GNB2: variants seen among roughly 807,000 people sequenced by gnomAD.
GNB2 encodes the protein G protein subunit beta 2.
In GNB2, 7 loss-of-function variants were observed where a neutral mutation model predicts 40.7. The observed-to-expected ratio is 0.17, with a 90% CI of 0.10 to 0.32. The LOEUF is 0.32. Among genes scored for constraint, GNB2 ranks in the 10% least tolerant of loss-of-function variants. The probability of loss-of-function intolerance (pLI) is 1.00; values close to 1 mark genes in which losing one functional copy is unlikely to be tolerated. For missense variants in GNB2, 286 were observed against 473.0 expected, an observed-to-expected ratio of 0.60 and a Z score of 3.67; for synonymous variants, 254 against 191.2, an observed-to-expected ratio of 1.33 and a Z score of -2.71.
Position 100,676,677 on chromosome 7 carries a change from C to G in GNB2, c.97-16C>G, listed in dbSNP as rs1180797739. The G allele has an allele frequency of 1.3e-6, 2 of 1,593,414 alleles. No individual in the cohort carries two copies. The highest frequency in any genetic ancestry group is 1.7e-6 in the Non-Finnish European group (2 of 1,161,428). Reference sequence around the variant, plus strand: ...CTGCCTGGGCCTCCCCGAGCGCATTCTGTCTCTACCTCCAGATCACAGCTG... The same window carrying G: ...CTGCCTGGGCCTCCCCGAGCGCATTGTGTCTCTACCTCCAGATCACAGCTG... On this transcript the variant is annotated splice_polypyrimidine_tract_variant and intron_variant, in intron 3 of 9. Transcript: ENST00000303210.
intron 2 of GNB2, 70 bp downstream of exon 2, chr7:100,676,392 G>A (rs1173473680): frequency 3.6e-6 from 5 of 1,385,708 alleles, no homozygotes; most frequent in African/African-American, 1.4e-5. Context: ...GTTGGGTGAG[G>A]GTGTTGGTGG....
intron 2 of GNB2, 25 bp downstream of exon 2, chr7:100,676,347 G>C (rs1804345600): frequency 6.3e-7 from 1 of 1,585,302 alleles, no homozygotes. Context: ...CGGGGCGGGC[G>C]ATTCATGTGT....
At position 100,677,415 on chromosome 7, in the gene GNB2, G is replaced by A. The variant is rs768846956; in HGVS notation, c.267G>A (p.Lys89=). 14 of 1,613,550 alleles carry A rather than the reference G, an allele frequency of 8.7e-6. No individual in the cohort carries two copies. Among genetic ancestry groups the A allele is most frequent in the Admixed American group, 1.7e-5 (1 of 60,006 alleles). ...TCTGGGACAGCTACACCACCAACAA[G>A]GTAGGGTGGCGCGGGCTGCGGGGTG... ...LIIWDSYTTN[K]VHAIPLRSSW... Residue 89 remains lysine (K), a splice_region_variant and synonymous_variant, in exon 5 of 10, where the codon AAG becomes AAA. Coordinates refer to ENST00000303210, the MANE Select transcript of GNB2 (RefSeq NM_005273.4).
At chr7:100,677,476 C>G (rs367878403) in intron 5 of GNB2, 22 bp from the exon 6 acceptor site, 9 of 1,612,884 alleles carry the variant, frequency 5.6e-6, no homozygotes, top group African/African-American at 1.3e-5. Flanking sequence ...GCTCTGACCC[C>G]GGCGCTTCCC....
rs373371911 is a variant in GNB2 at position 100,678,439 on chromosome 7, C to T, written c.741C>T (p.Asp247=). The change falls in exon 9 of 10, where the codon GAC becomes GAT. Residue 247 remains aspartate (D), a synonymous_variant. Coordinates refer to ENST00000303210, the MANE Select transcript of GNB2 (RefSeq NM_005273.4). ...NGYAFTTGSD[D]ATCRLFDLRA... ...ACGCCTTCACCACCGGCTCTGACGA[C>T]GCCACGTGCCGCCTCTTCGACCTGC... 57 of 1,613,628 alleles carry T rather than the reference C, an allele frequency of 3.5e-5. 1 individual carries two copies. In the Middle Eastern group the frequency reaches 2.6e-3, roughly 75 times the overall value.
rs546914437 is a variant in GNB2, at chr7:100,679,087, G to A, written c.*286G>A. ...GGAGGCAGGAGGTGGAAACCCCAGG[G>A]GCTGGCTTTTTTAAAACTGGTTTTA... On this transcript the variant is annotated 3_prime_UTR_variant, in exon 10 of 10. Coordinates refer to ENST00000303210, the MANE Select transcript of GNB2 (RefSeq NM_005273.4). 1 of 406,156 alleles carries A rather than the reference G, an allele frequency of 2.5e-6. No individual in the cohort carries two copies. Among genetic ancestry groups the A allele is most frequent in the Non-Finnish European group, 4.4e-6 (1 of 227,630 alleles). The allele number at this position is 406,156 out of a possible 1,614,324, so 25.2% of individuals were successfully genotyped here.
intron 1 of GNB2, 69 bp downstream of exon 1, chr7:100,673,992 C>T (rs1249690504): frequency 1.9e-5 from 3 of 155,936 alleles, no homozygotes; most frequent in South Asian, 1.8e-4. Context: ...ACCTCTCTTC[C>T]TTCGGTCTCC....
intron 4 of GNB2, chr7:100,677,004 A>G: frequency 1.7e-6 from 1 of 597,028 alleles, no homozygotes; most frequent in South Asian, 2.0e-5. Context: ...ACTGTCTCTC[A>G]GGTGGCTCAC....
intron 1 of GNB2, 50 bp from the exon 2 acceptor site, chr7:100,676,126 TC>T: frequency 3.6e-6 from 2 of 559,290 alleles, no homozygotes; most frequent in South Asian, 4.5e-5. Flanking sequence ...CCCGCCTTTC[TC>T]CCCACTTCCC....
At position 100,678,443 on chromosome 7, in the gene GNB2, A is replaced by T; in HGVS notation, c.745A>T (p.Thr249Ser). 1 of 1,613,742 alleles carries T rather than the reference A, an allele frequency of 6.2e-7. No individual in the cohort carries two copies. The highest frequency in any genetic ancestry group is 1.6e-4 in the Middle Eastern group (1 of 6,062). ...YAFTTGSDDA[T>S]CRLFDLRADQ... ...CTTCACCACCGGCTCTGACGACGCC[A>T]CGTGCCGCCTCTTCGACCTGCGGGC... The change falls in exon 9 of 10, where the codon ACG (threonine) becomes TCG (serine). Residue 249 changes from threonine (T) to serine (S), a missense_variant. Coordinates refer to ENST00000303210, the MANE Select transcript of GNB2 (RefSeq NM_005273.4).
In GNB2 at chr7:100,678,908, G is replaced by T; in HGVS notation, c.*107G>T. Reference sequence around the variant, plus strand: ...ATCCCAGCCCCCTTCCCCGGGCCACGGGGCCTTGGGTCCCTGCCCTCCCAC... The same window carrying T: ...ATCCCAGCCCCCTTCCCCGGGCCACTGGGCCTTGGGTCCCTGCCCTCCCAC... On this transcript the variant is annotated 3_prime_UTR_variant, in exon 10 of 10. Transcript: ENST00000303210. The T allele has an allele frequency of 1.2e-6, 1 of 854,170 alleles. No homozygotes were observed. The highest frequency in any genetic ancestry group is 1.8e-6 in the Non-Finnish European group (1 of 542,956). 52.9% of individuals were successfully genotyped at this position (854,170 alleles called of 1,614,324 possible).
In GNB2 at chr7:100,678,299, T is replaced by C. The variant is rs1452402223; in HGVS notation, c.699T>C (p.Ala233=). 1 of 1,613,120 alleles carries C rather than the reference T, an allele frequency of 6.2e-7. No homozygotes were observed. The change falls in exon 8 of 10, where the codon GCT becomes GCC. Residue 233 remains alanine (A), a splice_region_variant and synonymous_variant. Transcript: ENST00000303210. ...IGHESDINAV[A]FFPNGYAFTT... is the part of the protein sequence containing the mutation. ...ATGAATCCGACATCAATGCAGTGGC[T>C]GTGAGTTTTGGGGCGAGCTAGGCCA...
rs761438041 is a variant in GNB2, at chr7:100,676,227, C to A, written c.-39C>A. On this transcript the variant is annotated 5_prime_UTR_variant, in exon 2 of 10. Coordinates refer to ENST00000303210, the MANE Select transcript of GNB2 (RefSeq NM_005273.4). ...CCTCCCCCAGCCCCCGTCCCGCGGC[C>A]CCCAGCCGCCCCCAACCCTGCCCCA... 124 of 1,420,854 alleles carry A rather than the reference C, an allele frequency of 8.7e-5. No homozygotes were observed. The Admixed American group carries it at 2.2e-3, about 25-fold the overall frequency. 88.0% of individuals were successfully genotyped at this position (1,420,854 alleles called of 1,614,324 possible).
In GNB2 at chr7:100,678,991, G is replaced by A. The variant is rs1804434010; in HGVS notation, c.*190G>A. 7 of 580,300 alleles carry A rather than the reference G, an allele frequency of 1.2e-5. No individual in the cohort carries two copies. Among genetic ancestry groups the A allele is most frequent in the Admixed American group, 3.0e-5 (1 of 32,812 alleles). The allele number at this position is 580,300 out of a possible 1,614,324, so 35.9% of individuals were successfully genotyped here. ...GGAGATAAGAAGGGGATGGAATGGG[G>A]GAAGAGGAGGAGCAGGAGGCCCTCA... On this transcript the variant is annotated 3_prime_UTR_variant, in exon 10 of 10. Transcript: ENST00000303210.
chr7:100,678,909 G>GGGAA lies in GNB2; in HGVS notation c.*110_*111insAAGG. 1 of 854,242 alleles carries GGGAA rather than the reference G, an allele frequency of 1.2e-6. No individual in the cohort carries two copies. The highest frequency in any genetic ancestry group is 1.8e-6 in the Non-Finnish European group (1 of 542,810). The allele number at this position is 854,242 out of a possible 1,614,324, so 52.9% of individuals were successfully genotyped here. ...TCCCAGCCCCCTTCCCCGGGCCACGGGGCCTTGGGTCCCTGCCCTCCCACC... is the reference window on the plus strand; with the variant it reads ...TCCCAGCCCCCTTCCCCGGGCCACGGGGAAGGCCTTGGGTCCCTGCCCTCCCACC... On this transcript the variant is annotated 3_prime_UTR_variant, in exon 10 of 10. Coordinates refer to ENST00000303210, the MANE Select transcript of GNB2 (RefSeq NM_005273.4).
Position 100,676,700 on chromosome 7 carries a change from C to A in GNB2, c.104C>A (p.Ala35Asp). ...TTCTGTCTCTACCTCCAGATCACAG[C>A]TGGGCTGGACCCAGTGGGGAGAATC... ...CGDSTLTQIT[A>D]GLDPVGRIQM... Residue 35 changes from alanine (A) to aspartate (D), a missense_variant, in exon 4 of 10, where the codon GCT becomes GAT. By Grantham distance (126) the Ala-to-Asp change is moderately radical (BLOSUM62 -2). Transcript: ENST00000303210. The A allele has an allele frequency of 6.2e-7, 1 of 1,610,150 alleles. No individual in the cohort carries two copies.
At position 100,679,033 on chromosome 7, in the gene GNB2, G is replaced by C. The variant is rs1189326088; in HGVS notation, c.*232G>C. The C allele has an allele frequency of 1.9e-6, 1 of 535,250 alleles. No individual in the cohort carries two copies. The allele number at this position is 535,250 out of a possible 1,614,324, so 33.2% of individuals were successfully genotyped here. On this transcript the variant is annotated 3_prime_UTR_variant, in exon 10 of 10. Transcript: ENST00000303210. ...AGGCCCTCATCCTTCTGCTGCCCTG[G>C]GGTTGGGGCCTCACCCCTCTGGAGG...
chr7:100,674,173 A>C (rs1016779515), intron 1 of GNB2, among the ~76,000 whole-genome samples: 45 of 145,552 alleles, frequency 3.1e-4, no homozygotes, highest in Non-Finnish European at 5.7e-4. Flanking sequence ...ACCCCAGCCC[A>C]GCCCCGACTG....
Position 100,677,614 on chromosome 7 carries a change from C to G in GNB2, c.384C>G (p.Thr128=). ...TCTGCTCCATCTACAGCCTCAAGAC[C>G]CGCGAGGGCAACGTCAGGGTCAGCC... The part of the protein sequence containing the change: ...DNICSIYSLK[T]REGNVRVSRE... The change falls in exon 6 of 10, where the codon ACC becomes ACG. Residue 128 remains threonine, a synonymous_variant. Coordinates refer to ENST00000303210, the MANE Select transcript of GNB2 (RefSeq NM_005273.4). 6.2e-7 allele frequency: 1 copy of G among 1,613,474 alleles called. No individual in the cohort carries two copies. The highest frequency in any genetic ancestry group is 8.5e-7 in the Non-Finnish European group (1 of 1,180,010).
Sources: gnomAD v4.1 joint callset for allele counts (sites outside exome capture counted in the v4.1 genomes callset) on GRCh38, gnomAD v4.1.1 for gene constraint, MANE v1.5 for transcripts, NCBI Gene and HGNC (gene_info 2026-07-23, HGNC 2026-07-21) for gene names.